Variants in KCNIP4 observed in about 807,000 individuals in gnomAD.
KCNIP4 encodes potassium voltage-gated channel interacting protein 4.
Under a neutral mutation model 34.0 loss-of-function variants are expected in KCNIP4, and 12 were observed. The ratio of observed to expected loss-of-function variants is 0.35; its 90% CI spans 0.23 to 0.57. The LOEUF (loss-of-function observed/expected upper bound fraction) is 0.57, where lower values mean the gene tolerates loss of function less well. KCNIP4 is among the 20% of genes least tolerant of loss of function. The pLI is 0.83. For missense variants in KCNIP4, 238 were observed against 311.7 expected, an observed-to-expected ratio of 0.76 and a Z score of 1.78; for synonymous variants, 124 against 102.2, an observed-to-expected ratio of 1.21 and a Z score of -1.29.
intron 1 of KCNIP4, among the ~76,000 whole-genome samples, chr4:21,360,561 C>T (rs569802579): frequency 2.0e-5 from 3 of 152,032 alleles, no homozygotes; most frequent in Non-Finnish European, 2.9e-5. Context: ...GTGTCATTAT[C>T]TTTTAAAAGT....
At chr4:20,983,587 C>T (rs554311579) in intron 1 of KCNIP4, among the ~76,000 whole-genome samples, 2 of 152,228 alleles carry the variant, frequency 1.3e-5, no homozygotes, top group South Asian at 4.1e-4. Flanking sequence ...AATACTAAAC[C>T]CAAGTAGATT....
chr4:20,786,643 C>T (rs972205555), intron 3 of KCNIP4, among the ~76,000 whole-genome samples: 12 of 152,014 alleles, frequency 7.9e-5, no homozygotes, highest in African/African-American at 2.4e-4. Context: ...TGTTCTCTTA[C>T]GAAAGTTGCA....
At chr4:21,726,589 G>A (rs887512586) in intron 1 of KCNIP4, among the ~76,000 whole-genome samples, 1 of 152,124 alleles carries the variant, frequency 6.6e-6, no homozygotes, top group African/African-American at 2.4e-5. Context: ...CCTGCTTTCA[G>A]GAAATGTTTG....
At chr4:21,212,564 GC>G (rs1469737583) in intron 1 of KCNIP4, among the ~76,000 whole-genome samples, 2 of 152,166 alleles carry the variant, frequency 1.3e-5, no homozygotes, top group Non-Finnish European at 2.9e-5. Flanking sequence ...AAACTGGGTA[GC>G]TTCTAAACAA....
chr4:21,216,734 A>G (rs1757607404), intron 1 of KCNIP4, among the ~76,000 whole-genome samples: 1 of 152,160 alleles, frequency 6.6e-6, no homozygotes, highest in South Asian at 2.1e-4. Flanking sequence ...GGTGGAAGAT[A>G]AGACATGAAC....
Position 21,034,887 on chromosome 4 carries a change from A to C in KCNIP4, c.62-152178T>G, listed in dbSNP as rs74984043. ...ATGGTTTACACCTGCAGAAACGTAC[A>C]TTGCTGGACAGCTGTCCTGCCCCCT... On this transcript the variant is annotated intron_variant, in intron 1 of 8. Coordinates refer to ENST00000382152, the MANE Select transcript of KCNIP4 (RefSeq NM_025221.6). Among the ~76,000 whole-genome samples the C allele has an allele frequency of 2.0e-5, 3 of 152,354 alleles. No individual in the cohort carries two copies. The East Asian group carries it at 5.8e-4, about 29-fold the overall frequency.
chr4:21,010,137 C>T lies in KCNIP4; in HGVS notation c.62-127428G>A, dbSNP rs79765025. On this transcript the variant is annotated intron_variant, in intron 1 of 8. Coordinates refer to ENST00000382152, the MANE Select transcript of KCNIP4 (RefSeq NM_025221.6). ...TCAACAGTAGGTCACACACTTACTG[C>T]TAATTAAGGATGTCTCTGAAAGCTG... Among the ~76,000 whole-genome samples the T allele has an allele frequency of 1.6e-3, 236 of 152,250 alleles. 4 individuals are homozygous for T. The East Asian group carries it at 0.039, about 25-fold the overall frequency.
intron 1 of KCNIP4, among the ~76,000 whole-genome samples, chr4:21,477,815 C>T (rs1006956209): frequency 1.3e-5 from 2 of 152,196 alleles, no homozygotes; most frequent in African/African-American, 4.8e-5. Context: ...CCAAGCCAGT[C>T]TGAAGCATTC....
At chr4:21,119,667 G>A (rs981499789) in intron 1 of KCNIP4, among the ~76,000 whole-genome samples, 2 of 151,688 alleles carry the variant, frequency 1.3e-5, no homozygotes, top group South Asian at 4.2e-4. Context: ...TAGAAATTGG[G>A]TTCTTTGTTA....
intron 1 of KCNIP4, among the ~76,000 whole-genome samples, chr4:21,791,927 G>A (rs745990472): frequency 3.5e-5 from 5 of 142,366 alleles, no homozygotes; most frequent in Non-Finnish European, 7.5e-5. Flanking sequence ...ACTTGAACTC[G>A]GGAGGCGGAG....
intron 1 of KCNIP4, among the ~76,000 whole-genome samples, chr4:20,911,726 A>C (rs1299842448): frequency 2.0e-5 from 3 of 152,178 alleles, no homozygotes; most frequent in Non-Finnish European, 2.9e-5. Context: ...GCCTTCACTC[A>C]TTGGATTCAC....
At position 20,999,414 on chromosome 4, in the gene KCNIP4, G is replaced by GT. The variant is rs5856594; in HGVS notation, c.62-116706dup. ...AAAAGAGGGTTTTTGTTGTGGTGGT[G>GT]TTTTTTTTTTTTGTTTGTTTTTTGT... On this transcript the variant is annotated intron_variant, in intron 1 of 8. Transcript: ENST00000382152. 2.4e-4 allele frequency among the ~76,000 whole-genome samples: 23 copies of GT among 95,338 alleles called. 2 individuals are homozygous for GT. The highest frequency in any genetic ancestry group is 1.0e-3 in the African/African-American group (22 of 21,408). The allele number at this position is 95,338 out of a possible 152,430, so 62.5% of individuals were successfully genotyped here. A position where few individuals can be genotyped will look rare whatever the true frequency, so the allele number is the denominator to read the frequency against.
rs556995228 is a variant in KCNIP4 at position 21,432,603 on chromosome 4, G to A, written c.61+515968C>T. The stretch of plus-strand genomic sequence containing the variant: ...TGGGAAAAAGACCAGTACCAAAGGC[G>A]AAGCAAATGATTTTTCTGCATTGTG... On this transcript the variant is annotated intron_variant, in intron 1 of 8. Transcript: ENST00000382152. Among the ~76,000 whole-genome samples the A allele has an allele frequency of 6.6e-5, 10 of 152,232 alleles. No homozygotes were observed. The South Asian group carries it at 1.2e-3, about 19-fold the overall frequency.
chr4:21,065,760 ATATAT>A (rs1560690387), intron 1 of KCNIP4, among the ~76,000 whole-genome samples: 2,972 of 127,554 alleles, frequency 0.023, 53 homozygotes, highest in Non-Finnish European at 0.026. Flanking sequence ...ATATATATAT[ATATAT>A]AACTCAATTT....
intron 1 of KCNIP4, among the ~76,000 whole-genome samples, chr4:21,684,591 A>T (rs978536): frequency 0.26 from 39,430 of 151,962 alleles, 6,416 homozygotes; most frequent in African/African-American, 0.46. Flanking sequence ...TAGTTTAAAA[A>T]TTTTTTTACT....
In KCNIP4 at chr4:21,367,908, T is replaced by TC. The variant is rs1719944474; in HGVS notation, c.62-485200dup. Among the ~76,000 whole-genome samples, 4 of 147,554 alleles carry TC rather than the reference T, an allele frequency of 2.7e-5. 1 individual carries two copies. Among genetic ancestry groups the TC allele is most frequent in the African/African-American group, 1.1e-4 (4 of 37,164 alleles). ...TCGAGATAGCAAAAATGCAAGTGGT[T>TC]CCCCAGAGACTACCTATACAGGCAG... is the stretch of plus-strand genomic sequence containing the variant. On this transcript the variant is annotated intron_variant, in intron 1 of 8. Coordinates refer to ENST00000382152, the MANE Select transcript of KCNIP4 (RefSeq NM_025221.6).
intron 1 of KCNIP4, among the ~76,000 whole-genome samples, chr4:21,066,166 A>G (rs1333918332): frequency 6.6e-6 from 1 of 152,082 alleles, no homozygotes; most frequent in Non-Finnish European, 1.5e-5. Flanking sequence ...ATTTTACAGT[A>G]TTCTTCTTAT....
intron 1 of KCNIP4, among the ~76,000 whole-genome samples, chr4:21,534,543 T>G (rs1367283111): frequency 2.0e-5 from 3 of 152,158 alleles, no homozygotes; most frequent in South Asian, 4.1e-4. Flanking sequence ...CCAAATCATC[T>G]GATAAGTCCA....
At chr4:21,344,671 C>T (rs1379903181) in intron 1 of KCNIP4, among the ~76,000 whole-genome samples, 1 of 152,176 alleles carries the variant, frequency 6.6e-6, no homozygotes, top group East Asian at 1.9e-4. Context: ...AGTACGTTAT[C>T]TTATTAAAGC....
Sources: allele counts gnomAD v4.1 joint callset (sites outside exome capture counted in the v4.1 genomes callset), GRCh38; gene constraint gnomAD v4.1.1; transcripts MANE v1.5; gene names NCBI Gene and HGNC (gene_info 2026-07-23, HGNC 2026-07-21).